Variants in CTNNA3 observed in about 807,000 individuals in gnomAD.
CTNNA3 encodes catenin alpha-3.
A neutral mutation model predicts 95.7 loss-of-function variants in CTNNA3; 76 were observed. That is an observed-to-expected ratio of 0.79 (90% CI 0.66 to 0.96). The LOEUF is 0.96. Among genes scored for constraint, CTNNA3 ranks in the 40% least tolerant of loss-of-function variants. The probability of loss-of-function intolerance (pLI) is 0.00; values close to 1 mark genes in which losing one functional copy is unlikely to be tolerated. For synonymous variants in CTNNA3, 431 were observed against 374.4 expected (o/e 1.15, Z -1.74); for missense variants, 1,191 against 1,089.8 (o/e 1.09, Z -1.31).
intron 7 of CTNNA3, among the ~76,000 whole-genome samples, chr10:67,020,735 A>G (rs1348645686): frequency 6.6e-6 from 1 of 152,194 alleles, no homozygotes; most frequent in African/African-American, 2.4e-5. Context: ...AAAAAGGCAT[A>G]ATGAAAATAC....
chr10:66,045,602 T>TA (rs941820560), intron 15 of CTNNA3, among the ~76,000 whole-genome samples: 10 of 152,154 alleles, frequency 6.6e-5, no homozygotes, highest in Non-Finnish European at 7.4e-5. Flanking sequence ...AAAAGTGGAA[T>TA]AAAAAAAGAA....
intron 7 of CTNNA3, among the ~76,000 whole-genome samples, chr10:67,030,509 C>T (rs979664060): frequency 2.6e-5 from 4 of 151,772 alleles, no homozygotes; most frequent in Non-Finnish European, 4.4e-5. Context: ...TATATAAATA[C>T]ATAAATTAAT....
chr10:66,599,958 T>C (rs1373989076), intron 10 of CTNNA3, among the ~76,000 whole-genome samples: 2 of 152,002 alleles, frequency 1.3e-5, no homozygotes, highest in African/African-American at 4.8e-5. Context: ...TATTCAATTA[T>C]TCATTTTTAG....
At chr10:66,814,983 T>C (rs899001947) in intron 7 of CTNNA3, among the ~76,000 whole-genome samples, 3 of 150,780 alleles carry the variant, frequency 2.0e-5, no homozygotes, top group Admixed American at 6.6e-5. Context: ...TCCCGAGGAG[T>C]TGGGACTACA....
intron 15 of CTNNA3, among the ~76,000 whole-genome samples, chr10:66,035,551 C>T (rs1198133189): frequency 3.1e-5 from 3 of 95,716 alleles, no homozygotes; most frequent in Non-Finnish European, 7.1e-5. Context: ...TTTTTTTTTG[C>T]CGCTGGCTTT....
chr10:66,954,405 G>A (rs1052612082), intron 7 of CTNNA3, among the ~76,000 whole-genome samples: 9 of 152,040 alleles, frequency 5.9e-5, no homozygotes, highest in African/African-American at 1.2e-4. Context: ...AAATAAAAAC[G>A]CTTAAAATAG....
At chr10:66,579,775 T>A (rs983233538) in intron 10 of CTNNA3, among the ~76,000 whole-genome samples, 2 of 151,790 alleles carry the variant, frequency 1.3e-5, no homozygotes, top group Non-Finnish European at 3.0e-5. Context: ...TTGACAAAAT[T>A]TTTTCTTTCA....
At chr10:67,754,231 G>T (rs763988431) in intron 1 of CTNNA3, among the ~76,000 whole-genome samples, 7 of 152,062 alleles carry the variant, frequency 4.6e-5, no homozygotes, top group African/African-American at 1.4e-4. Context: ...ACCAAATACC[G>T]CATGTACAAG....
At chr10:67,426,646 G>A (rs990853464) in intron 5 of CTNNA3, among the ~76,000 whole-genome samples, 7 of 151,878 alleles carry the variant, frequency 4.6e-5, no homozygotes, top group Non-Finnish European at 1.0e-4. Context: ...TCACACACCG[G>A]GGCCTGTCGG....
intron 9 of CTNNA3, among the ~76,000 whole-genome samples, chr10:66,740,809 C>G (rs1213359776): frequency 1.3e-5 from 2 of 152,154 alleles, no homozygotes; most frequent in Non-Finnish European, 2.9e-5. Context: ...TAGAACACTT[C>G]CTAGAGCAAG....
chr10:67,561,744 A>G (rs1841517020), intron 3 of CTNNA3, among the ~76,000 whole-genome samples: 1 of 152,170 alleles, frequency 6.6e-6, no homozygotes. Context: ...ACTGCTAGCA[A>G]GACTAAGAAA....
chr10:67,198,343 G>A (rs780038686), intron 6 of CTNNA3, among the ~76,000 whole-genome samples: 2 of 152,048 alleles, frequency 1.3e-5, no homozygotes, highest in African/African-American at 2.4e-5. Flanking sequence ...TTAAGCTGTT[G>A]CCAGTCACGA....
intron 5 of CTNNA3, among the ~76,000 whole-genome samples, chr10:67,231,012 T>G (rs1324240243): frequency 6.6e-6 from 1 of 152,112 alleles, no homozygotes; most frequent in Non-Finnish European, 1.5e-5. Flanking sequence ...CGCACCTGGC[T>G]GGGAGGGTCC....
chr10:67,238,713 A>G (rs1865602026), intron 5 of CTNNA3, among the ~76,000 whole-genome samples: 1 of 150,328 alleles, frequency 6.7e-6, no homozygotes. Context: ...ATAACTTGTT[A>G]ATGGGCTTCT....
intron 7 of CTNNA3, among the ~76,000 whole-genome samples, chr10:66,991,488 T>C (rs1439363135): frequency 6.6e-6 from 1 of 152,194 alleles, no homozygotes; most frequent in Non-Finnish European, 1.5e-5. Flanking sequence ...AAAGGGTATA[T>C]TTAAACATTA....
chr10:66,499,800 C>T (rs1365284084), intron 11 of CTNNA3, among the ~76,000 whole-genome samples: 1 of 137,938 alleles, frequency 7.2e-6, no homozygotes, highest in African/African-American at 2.6e-5. Flanking sequence ...TTAACAGTTG[C>T]ATTTCCTTTT....
At chr10:66,367,963 G>A (rs1422212589) in intron 12 of CTNNA3, among the ~76,000 whole-genome samples, 1 of 147,680 alleles carries the variant, frequency 6.8e-6, no homozygotes, top group Admixed American at 6.8e-5. Context: ...TTCTAATGTG[G>A]ATCCATTGCT....
intron 13 of CTNNA3, among the ~76,000 whole-genome samples, chr10:66,251,163 A>G (rs1195053093): frequency 6.6e-6 from 1 of 152,206 alleles, no homozygotes; most frequent in African/African-American, 2.4e-5. Flanking sequence ...CTCTCCAGAA[A>G]GAGTATTGTA....
chr10:67,376,092 C>G (rs954256397), intron 5 of CTNNA3, among the ~76,000 whole-genome samples: 1 of 152,154 alleles, frequency 6.6e-6, no homozygotes, highest in African/African-American at 2.4e-5. Context: ...TTCCCAAACT[C>G]CAGAACTGTG....
Sources: gnomAD v4.1 joint callset for allele counts (sites outside exome capture counted in the v4.1 genomes callset) on GRCh38, gnomAD v4.1.1 for gene constraint, MANE v1.5 for transcripts, NCBI Gene and HGNC (gene_info 2026-07-23, HGNC 2026-07-21) for gene names.